Variants in PLAC1 observed in about 807,000 individuals in gnomAD.
PLAC1 encodes the protein placenta-specific protein 1.
For missense variants in PLAC1, 136 were observed against 163.2 expected (o/e 0.83, Z 0.91); for synonymous variants, 68 against 62.1 (o/e 1.09, Z -0.44).
chrX:134,756,198 A>C (rs1052697992), intron 1 of PLAC1, among the ~76,000 whole-genome samples: 2 of 110,634 alleles, frequency 1.8e-5, no homozygotes, highest in African/African-American at 6.5e-5. Context: ...TGCCATGCAA[A>C]AAAAGGTTTT....
At chrX:134,601,240 T>C (rs938111522) in intron 2 of PLAC1, among the ~76,000 whole-genome samples, 4 of 112,286 alleles carry the variant, frequency 3.6e-5, no homozygotes, top group Non-Finnish European at 7.5e-5. Context: ...TGTTACTGCA[T>C]AGGATTTCAT....
At chrX:134,738,873 T>C (rs2078710166) in intron 1 of PLAC1, among the ~76,000 whole-genome samples, 1 of 112,372 alleles carries the variant, frequency 8.9e-6, no homozygotes, top group Admixed American at 9.5e-5. Flanking sequence ...GACACAATTG[T>C]CCCTCAGCAG....
intron 1 of PLAC1, among the ~76,000 whole-genome samples, chrX:134,647,335 T>G (rs2078338671): frequency 9.0e-6 from 1 of 111,321 alleles, no homozygotes; most frequent in African/African-American, 3.3e-5. Flanking sequence ...TTTGCTTCCA[T>G]AATACTGACT....
chrX:134,629,210 A>G (rs1299488569), intron 1 of PLAC1, among the ~76,000 whole-genome samples: 3 of 111,934 alleles, frequency 2.7e-5, no homozygotes, highest in Non-Finnish European at 5.6e-5. Flanking sequence ...ATCCTCACAC[A>G]TGTACATCCC....
chrX:134,617,885 A>G (rs1426308119), intron 1 of PLAC1, among the ~76,000 whole-genome samples: 1 of 112,388 alleles, frequency 8.9e-6, no homozygotes, highest in Non-Finnish European at 1.9e-5. Flanking sequence ...ATTTTCACAA[A>G]GTCCTTAAAA....
intron 2 of PLAC1, among the ~76,000 whole-genome samples, chrX:134,578,826 A>G (rs1373296897): frequency 5.5e-5 from 6 of 109,177 alleles, no homozygotes; most frequent in African/African-American, 2.0e-4. Flanking sequence ...AAATCTCTAG[A>G]CAAAAGATAT....
At chrX:134,666,582 C>T (rs769864115) in intron 2 of PLAC1, among the ~76,000 whole-genome samples, 88 of 111,450 alleles carry the variant, frequency 7.9e-4, no homozygotes, top group Middle Eastern at 4.6e-3. Flanking sequence ...AAACTCATGA[C>T]GGCATGCTCA....
chrX:134,699,679 A>G (rs1326160642), intron 2 of PLAC1, among the ~76,000 whole-genome samples: 1 of 112,470 alleles, frequency 8.9e-6, no homozygotes, highest in Admixed American at 9.4e-5. Context: ...ACTGACTAAG[A>G]CAGCTTCTTA....
chrX:134,587,938 C>T (rs1413984599), intron 2 of PLAC1, among the ~76,000 whole-genome samples: 1 of 111,671 alleles, frequency 9.0e-6, no homozygotes, highest in Non-Finnish European at 1.9e-5. Context: ...AGAAAAAGGG[C>T]ACGTTTCATG....
intron 2 of PLAC1, among the ~76,000 whole-genome samples, chrX:134,597,898 C>G (rs752406679): frequency 1.2e-4 from 13 of 111,822 alleles, no homozygotes; most frequent in Non-Finnish European, 2.3e-4. Context: ...TTGCTAGCTT[C>G]TCTAGCAGCC....
intron 2 of PLAC1, among the ~76,000 whole-genome samples, chrX:134,575,517 C>T (rs2077933702): frequency 9.1e-6 from 1 of 109,375 alleles, no homozygotes; most frequent in South Asian, 4.0e-4. Context: ...CGCCTGTAAT[C>T]CCAGCACTTT....
intron 1 of PLAC1, among the ~76,000 whole-genome samples, chrX:134,616,996 G>C (rs758234010): frequency 1.9e-5 from 2 of 105,376 alleles, no homozygotes; most frequent in African/African-American, 3.5e-5. Context: ...TTTTTTTGGT[G>C]GGGGGGTGGG....
chrX:134,710,761 T>C (rs1362045153), intron 2 of PLAC1, among the ~76,000 whole-genome samples: 4 of 111,158 alleles, frequency 3.6e-5, no homozygotes, highest in Non-Finnish European at 7.5e-5. Context: ...AAAAATGAGT[T>C]GACTGGAGGC....
chrX:134,742,285 G>A (rs1260348458), intron 1 of PLAC1, among the ~76,000 whole-genome samples: 2 of 113,093 alleles, frequency 1.8e-5, no homozygotes, highest in African/African-American at 6.4e-5. Context: ...CATGGAGTAC[G>A]AAGTAAGGAA....
At chrX:134,683,210 G>A (rs781565421) in intron 2 of PLAC1, among the ~76,000 whole-genome samples, 2 of 109,994 alleles carry the variant, frequency 1.8e-5, no homozygotes, top group East Asian at 2.8e-4. Context: ...GATTGATTTG[G>A]GGTGTGTGGG....
chrX:134,608,778 T>G (rs774801103), intron 1 of PLAC1, among the ~76,000 whole-genome samples: 1 of 107,132 alleles, frequency 9.3e-6, no homozygotes, highest in Non-Finnish European at 1.9e-5. Flanking sequence ...CAGGTTCAAG[T>G]GATTCCCCTG....
chrX:134,580,459 A>T, intron 2 of PLAC1, among the ~76,000 whole-genome samples: 1 of 112,219 alleles, frequency 8.9e-6, no homozygotes, highest in Non-Finnish European at 1.9e-5. Flanking sequence ...TTCATTAAAG[A>T]CACAAAGGTC....
At chrX:134,739,899 C>A (rs1166442197) in intron 1 of PLAC1, among the ~76,000 whole-genome samples, 1 of 112,301 alleles carries the variant, frequency 8.9e-6, no homozygotes, top group Admixed American at 9.4e-5. Context: ...CCTGGGTATA[C>A]CCAATGGAAA....
intron 1 of PLAC1, among the ~76,000 whole-genome samples, chrX:134,628,072 A>G (rs972114831): frequency 6.2e-5 from 7 of 112,323 alleles, no homozygotes; most frequent in African/African-American, 2.3e-4. Context: ...AGGAAATAAG[A>G]AAACCATGTA....
Sources: gnomAD v4.1 joint callset for allele counts (sites outside exome capture counted in the v4.1 genomes callset) on GRCh38, gnomAD v4.1.1 for gene constraint, MANE v1.5 for transcripts, NCBI Gene and HGNC (gene_info 2026-07-23, HGNC 2026-07-21) for gene names.